SMARCAL1: variants seen among roughly 807,000 people sequenced by gnomAD.
The protein encoded by SMARCAL1 is ATP-driven annealing helicase.
A neutral mutation model predicts 94.5 loss-of-function variants in SMARCAL1; 58 were observed. The ratio of observed to expected loss-of-function variants is 0.61; its 90% CI spans 0.50 to 0.76. SMARCAL1 has a LOEUF of 0.76. Among genes scored for constraint, SMARCAL1 ranks in the 30% least tolerant of loss-of-function variants. The probability of loss-of-function intolerance (pLI) is 0.00; values close to 1 mark genes in which losing one functional copy is unlikely to be tolerated. For missense variants in SMARCAL1, 1,051 were observed against 1,177.9 expected, an observed-to-expected ratio of 0.89 and a Z score of 1.58; for synonymous variants, 422 against 455.1, an observed-to-expected ratio of 0.93 and a Z score of 0.93.
chr2:216,462,094 A>C lies in SMARCAL1; in HGVS notation c.2071-2503A>C, dbSNP rs1407392070. 3.3e-5 allele frequency among the ~76,000 whole-genome samples: 5 copies of C among 152,226 alleles called. No homozygotes were observed. In the East Asian group the frequency reaches 5.8e-4, roughly 18 times the overall value. ...TGGTACGTTTTGCTGCATCATCCCC[A>C]AAAGGGCTAGCCCAGTGTACCATCC... On this transcript the variant is annotated intron_variant, in intron 12 of 17. Coordinates refer to ENST00000357276, the MANE Select transcript of SMARCAL1 (RefSeq NM_014140.4).
chr2:216,449,537 G>A (rs1212052770), intron 11 of SMARCAL1, among the ~76,000 whole-genome samples: 1 of 152,136 alleles, frequency 6.6e-6, no homozygotes, highest in Non-Finnish European at 1.5e-5. Context: ...TTTTTAAAAA[G>A]AAGAAACAGC....
At chr2:216,413,087 C>T (rs1693501813) in intron 1 of SMARCAL1, among the ~76,000 whole-genome samples, 1 of 142,746 alleles carries the variant, frequency 7.0e-6, no homozygotes, top group African/African-American at 2.6e-5. Context: ...CTCTTCACCC[C>T]TTCCTAACTG....
chr2:216,435,919 C>T (rs1694072533), intron 9 of SMARCAL1, among the ~76,000 whole-genome samples: 1 of 152,110 alleles, frequency 6.6e-6, no homozygotes, highest in Non-Finnish European at 1.5e-5. Context: ...TGAAGATACA[C>T]CCCCACCCCA....
At chr2:216,448,042 GA>G (rs1034228272) in intron 11 of SMARCAL1, among the ~76,000 whole-genome samples, 7 of 152,046 alleles carry the variant, frequency 4.6e-5, no homozygotes, top group East Asian at 1.9e-4. Context: ...TTTAAAAGAA[GA>G]AAAAAAGTTT....
intron 14 of SMARCAL1, 83 bp downstream of exon 14, chr2:216,468,129 A>T: frequency 2.2e-6 from 2 of 906,102 alleles, no homozygotes. Context: ...GATCCAAGCA[A>T]AGTGAGACCG....
At chr2:216,439,534 T>C (rs1335590135) in intron 10 of SMARCAL1, among the ~76,000 whole-genome samples, 2 of 152,226 alleles carry the variant, frequency 1.3e-5, no homozygotes, top group Non-Finnish European at 2.9e-5. Context: ...TTTAAAACTA[T>C]GGCTTTTATT....
intron 10 of SMARCAL1, 78 bp from the exon 11 acceptor site, chr2:216,446,940 T>G: frequency 1.3e-6 from 2 of 1,578,694 alleles, no homozygotes; most frequent in Non-Finnish European, 1.7e-6. Context: ...ATCCAGCTCC[T>G]CCCTCACTGG....
intron 10 of SMARCAL1, chr2:216,446,740 A>G (rs1486210762): frequency 1.4e-5 from 8 of 591,716 alleles, no homozygotes; most frequent in African/African-American, 5.5e-5. Flanking sequence ...CCAGTCCTTG[A>G]TCTCAAGAGG....
intron 12 of SMARCAL1, among the ~76,000 whole-genome samples, chr2:216,461,977 A>G (rs993280795): frequency 2.0e-5 from 3 of 152,222 alleles, no homozygotes; most frequent in South Asian, 2.1e-4. Context: ...AGTAGCTTAC[A>G]TAGAAATTTG....
At position 216,482,488 on chromosome 2, in the gene SMARCAL1, T is replaced by C. The variant is rs565938905; in HGVS notation, c.2626-250T>C. On this transcript the variant is annotated intron_variant, in intron 17 of 17. Coordinates refer to ENST00000357276, the MANE Select transcript of SMARCAL1 (RefSeq NM_014140.4). This position sits in a 1 kb window ranked among gnomAD's most constrained non-coding sequence, Gnocchi z 4.3. ...TTATAGCGTGAGAGCAGCTTCTTTG[T>C]TGCACTCACAACCATTTCTTTTTCC... 2.2e-4 allele frequency among the ~76,000 whole-genome samples: 34 copies of C among 152,296 alleles called. No individual in the cohort carries two copies.
intron 5 of SMARCAL1, among the ~76,000 whole-genome samples, chr2:216,422,531 T>C (rs1301216958): frequency 2.0e-5 from 3 of 152,340 alleles, no homozygotes; most frequent in East Asian, 1.9e-4. Flanking sequence ...TTGCCTTAGC[T>C]GTTGTTCACA....
At chr2:216,424,283 TTTTGCTTAGATGGGGC>T in intron 6 of SMARCAL1, among the ~76,000 whole-genome samples, 1 of 152,230 alleles carries the variant, frequency 6.6e-6, no homozygotes, top group Non-Finnish European at 1.5e-5. Flanking sequence ...CTTCTCTGTG[TTTTGCTTAGATGGGGC>T]AATAAATTCT....
chr2:216,432,772 G>A lies in SMARCAL1; in HGVS notation c.1389G>A (p.Gly463=), dbSNP rs868212033. The change falls in exon 8 of 18, where the codon GGG becomes GGA. Residue 463 remains glycine, a synonymous_variant. Coordinates refer to ENST00000357276, the MANE Select transcript of SMARCAL1 (RefSeq NM_014140.4). ...RLLLADDMGL[G]KTIQAICIAA... Reference sequence around the variant, plus strand: ...TGCTCGCTGACGACATGGGCCTGGGGAAGACCATCCAAGCCATCTGCATCG... The same window carrying A: ...TGCTCGCTGACGACATGGGCCTGGGAAAGACCATCCAAGCCATCTGCATCG... 4.3e-6 allele frequency: 7 copies of A among 1,614,084 alleles called. No homozygotes were observed. In the East Asian group the frequency reaches 1.3e-4, roughly 31 times the overall value.
rs1244102242 is a variant in SMARCAL1, at chr2:216,438,501, A to T, written c.1710+16A>T. On this transcript the variant is annotated intron_variant, in intron 10 of 17. Transcript: ENST00000357276. ...GGTCCTAAAGGTGAGTACTTCTGAG[A>T]ACTGAGCCCACTGAGCATTGGCATC... 2 of 1,610,748 alleles carry T rather than the reference A, an allele frequency of 1.2e-6. No individual in the cohort carries two copies. Among genetic ancestry groups the T allele is most frequent in the Non-Finnish European group, 1.7e-6 (2 of 1,177,398 alleles).
chr2:216,421,578 C>T (rs367870131), intron 5 of SMARCAL1, among the ~76,000 whole-genome samples: 7 of 152,272 alleles, frequency 4.6e-5, no homozygotes, highest in African/African-American at 1.4e-4. Flanking sequence ...CATGAGCCAC[C>T]GTGCCTGGCC....
At chr2:216,446,878 T>A in intron 10 of SMARCAL1, 140 bp from the exon 11 acceptor site, 1 of 887,390 alleles carries the variant, frequency 1.1e-6, no homozygotes, top group South Asian at 1.4e-5. Context: ...ACTGCTTGCA[T>A]TGGCAATGCC....
At chr2:216,427,802 T>C (rs1693869088) in intron 6 of SMARCAL1, among the ~76,000 whole-genome samples, 2 of 152,198 alleles carry the variant, frequency 1.3e-5, no homozygotes, top group South Asian at 2.1e-4. Context: ...AACCAATTGA[T>C]GGTTGTGGCA....
chr2:216,462,346 C>T (rs1224025654), intron 12 of SMARCAL1, among the ~76,000 whole-genome samples: 1 of 152,096 alleles, frequency 6.6e-6, no homozygotes, highest in Non-Finnish European at 1.5e-5. Flanking sequence ...AACTGGGGTG[C>T]AGTCTGATGG....
At chr2:216,419,604 T>C (rs1693670717) in intron 4 of SMARCAL1, among the ~76,000 whole-genome samples, 1 of 152,178 alleles carries the variant, frequency 6.6e-6, no homozygotes, top group South Asian at 2.1e-4. Flanking sequence ...TGGGCTTAAC[T>C]GGGTGATTTG....
Sources: allele counts gnomAD v4.1 joint callset (sites outside exome capture counted in the v4.1 genomes callset), GRCh38; gene constraint gnomAD v4.1.1; non-coding constraint Gnocchi (gnomAD v3.1); transcripts MANE v1.5; gene names NCBI Gene and HGNC (gene_info 2026-07-23, HGNC 2026-07-21).